Variants in SORBS2 observed in about 807,000 individuals in gnomAD.
The protein encoded by SORBS2 is sorbin and SH3 domain-containing protein 2.
Under a neutral mutation model 97.7 loss-of-function variants are expected in SORBS2, and 46 were observed. The ratio of observed to expected loss-of-function variants is 0.47; its 90% CI spans 0.37 to 0.60. The LOEUF (loss-of-function observed/expected upper bound fraction) is 0.60. SORBS2 is among the 20% of genes least tolerant of loss of function. The pLI, the probability that SORBS2 is intolerant of heterozygous loss-of-function variation, is 0.00. For synonymous variants in SORBS2, 476 were observed against 473.4 expected (o/e 1.01, Z -0.07); for missense variants, 1,316 against 1,282.3 (o/e 1.03, Z -0.40).
intron 4 of SORBS2, 89 bp from the exon 14 acceptor site, chr4:185,639,124 C>T: frequency 8.0e-7 from 1 of 1,248,296 alleles, no homozygotes; most frequent in Non-Finnish European, 1.1e-6. Flanking sequence ...GCTGTGCCTG[C>T]GTTAGGCCGG....
At chr4:185,660,931 C>G (rs538406239), upstream of SORBS2, among the ~76,000 whole-genome samples, 1 of 151,940 alleles carries the variant, frequency 6.6e-6, no homozygotes, top group African/African-American at 2.4e-5. Flanking sequence ...AGTTCAATTT[C>G]GTATTTTTTT....
chr4:185,637,218 C>G (rs1268125771), intron 4 of SORBS2, among the ~76,000 whole-genome samples: 1 of 152,186 alleles, frequency 6.6e-6, no homozygotes, highest in African/African-American at 2.4e-5. Flanking sequence ...TTTACCATGC[C>G]TTTTCTATGT....
intron 1 of SORBS2, among the ~76,000 whole-genome samples, chr4:185,790,285 G>A (rs2099074612): frequency 6.6e-6 from 1 of 152,112 alleles, no homozygotes; most frequent in African/African-American, 2.4e-5. Context: ...TAGCATTGGG[G>A]TAAGATGTAA....
chr4:185,763,631 C>G (rs1025338632), intron 2 of SORBS2, among the ~76,000 whole-genome samples: 3 of 152,194 alleles, frequency 2.0e-5, no homozygotes, highest in Non-Finnish European at 4.4e-5. Context: ...ACAACACCCA[C>G]GTGCCCCATC....
intron 1 of SORBS2, among the ~76,000 whole-genome samples, chr4:185,813,400 G>T (rs1338892973): frequency 6.6e-6 from 1 of 152,182 alleles, no homozygotes. Flanking sequence ...GTAGGTCTGA[G>T]CCACCCAGGG....
intron 1 of SORBS2, among the ~76,000 whole-genome samples, chr4:185,808,554 C>T (rs115046448): frequency 0.014 from 2,091 of 152,144 alleles, 40 homozygotes; most frequent in African/African-American, 0.039. Flanking sequence ...GTAAACAAAC[C>T]TATATCTATA....
intron 2 of SORBS2, among the ~76,000 whole-genome samples, chr4:185,749,760 C>G (rs565890558): frequency 1.3e-5 from 2 of 152,208 alleles, no homozygotes; most frequent in Non-Finnish European, 2.9e-5. Context: ...GTTTCAGTTG[C>G]TCATTTAGAG....
intron 4 of SORBS2, chr4:185,677,630 AG>A (rs1213117616): frequency 2.0e-6 from 3 of 1,510,662 alleles, no homozygotes; most frequent in East Asian, 2.5e-5. Context: ...TTTCTGGTGG[AG>A]GGGGTGCCTG....
At position 185,684,490 on chromosome 4, in the gene SORBS2, T is replaced by TA. The variant is rs1046208713; in HGVS notation, c.-197-5669dup. Among the ~76,000 whole-genome samples, 3,006 of 145,272 alleles carry TA rather than the reference T, an allele frequency of 0.021. 85 individuals are homozygous for TA. The highest frequency in any genetic ancestry group is 0.066 in the African/African-American group (2,641 of 39,876). On this transcript the variant is annotated intron_variant, in intron 2 of 20. Transcript: ENST00000284776. This position sits in a 1 kb window ranked among gnomAD's most constrained non-coding sequence, Gnocchi z 4.2. ...ACCCCTACCCCAAAAGTTTTTAGGT[T>TA]AAAAAAAAAAACCCCAAAACCTCTG...
intron 2 of SORBS2, among the ~76,000 whole-genome samples, chr4:185,685,282 GT>G (rs1026526309): frequency 1.3e-5 from 2 of 152,126 alleles, no homozygotes; most frequent in South Asian, 2.1e-4. Flanking sequence ...TATCATTTAA[GT>G]TTTACCATCT....
intron 2 of SORBS2, among the ~76,000 whole-genome samples, chr4:185,747,721 C>T (rs777448314): frequency 5.9e-5 from 9 of 152,178 alleles, no homozygotes. Flanking sequence ...GGCCTTTGCT[C>T]GGGCGCGGTG....
intron 1 of SORBS2, among the ~76,000 whole-genome samples, chr4:185,941,082 T>C (rs770949049): frequency 6.6e-6 from 1 of 152,204 alleles, no homozygotes; most frequent in South Asian, 2.1e-4. Flanking sequence ...ATGCCATTCG[T>C]CTACTTCGTT....
intron 2 of SORBS2, among the ~76,000 whole-genome samples, chr4:185,732,942 G>C (rs1276192615): frequency 6.6e-6 from 1 of 152,218 alleles, no homozygotes; most frequent in Non-Finnish European, 1.5e-5. Context: ...TGCAGGCAGA[G>C]ATGGGTGATG....
intron 4 of SORBS2, among the ~76,000 whole-genome samples, chr4:185,632,302 T>C (rs2096921209): frequency 6.6e-6 from 1 of 152,172 alleles, no homozygotes; most frequent in Non-Finnish European, 1.5e-5. Flanking sequence ...AATATTCCCA[T>C]CCTCCTTTTA....
intron 14 of SORBS2, 159 bp from the exon 27 acceptor site, chr4:185,587,847 A>G: frequency 1.6e-6 from 1 of 614,140 alleles, no homozygotes; most frequent in Non-Finnish European, 2.9e-6. Context: ...AGGCAGACAA[A>G]ATAAGCAGTG....
chr4:185,814,707 C>T (rs765436837), intron 1 of SORBS2, among the ~76,000 whole-genome samples: 11 of 152,216 alleles, frequency 7.2e-5, no homozygotes, highest in East Asian at 5.8e-4. Context: ...TGCACTGAAC[C>T]GGAACTGGGA....
At chr4:185,673,790 C>T (rs1582437635) in intron 4 of SORBS2, among the ~76,000 whole-genome samples, 1 of 152,300 alleles carries the variant, frequency 6.6e-6, no homozygotes, top group Non-Finnish European at 1.5e-5. Flanking sequence ...TCCAAGAAAG[C>T]CTCCTTCCCC....
chr4:185,685,482 A>G (rs1321789511), intron 2 of SORBS2, among the ~76,000 whole-genome samples: 1 of 152,196 alleles, frequency 6.6e-6, no homozygotes, highest in African/African-American at 2.4e-5. Context: ...ATTGATATAT[A>G]TGGTATCGAA....
chr4:185,941,267 G>A (rs773424684), intron 1 of SORBS2, among the ~76,000 whole-genome samples: 3 of 152,168 alleles, frequency 2.0e-5, no homozygotes, highest in Admixed American at 6.5e-5. Flanking sequence ...GCAGGAAAAG[G>A]TTAACTGTCT....
Sources: gnomAD v4.1 joint callset for allele counts (sites outside exome capture counted in the v4.1 genomes callset) on GRCh38, gnomAD v4.1.1 for gene constraint, Gnocchi (gnomAD v3.1) non-coding constraint, MANE v1.5 for transcripts, NCBI Gene and HGNC (gene_info 2026-07-23, HGNC 2026-07-21) for gene names.